FAM83B: variants seen among roughly 807,000 people sequenced by gnomAD.
FAM83B encodes protein FAM83B.
Under a neutral mutation model 38.8 loss-of-function variants are expected in FAM83B, and 26 were observed. That is an observed-to-expected ratio of 0.67 (90% CI 0.49 to 0.93). The LOEUF is 0.93. Among genes scored for constraint, FAM83B ranks in the 40% least tolerant of loss-of-function variants. The pLI is 0.00. For missense variants in FAM83B, 1,237 were observed against 1,197.3 expected (o/e 1.03, Z -0.49); for synonymous variants, 419 against 423.1 (o/e 0.99, Z 0.12).
At chr6:54,852,572 T>C (rs972394829) in intron 1 of FAM83B, among the ~76,000 whole-genome samples, 1 of 152,206 alleles carries the variant, frequency 6.6e-6, no homozygotes, top group African/African-American at 2.4e-5. Context: ...GGCCTTTAAA[T>C]GTTCAAGGGA....
chr6:54,861,050 G>A (rs1771571092), intron 1 of FAM83B, among the ~76,000 whole-genome samples: 1 of 152,156 alleles, frequency 6.6e-6, no homozygotes, highest in Non-Finnish European at 1.5e-5. Context: ...GGGATTATAG[G>A]TGTGAGCCAC....
chr6:54,888,742 T>C (rs962517049), intron 2 of FAM83B, among the ~76,000 whole-genome samples: 1 of 151,938 alleles, frequency 6.6e-6, no homozygotes, highest in African/African-American at 2.4e-5. Context: ...AATTTTTTTT[T>C]TCTCCTTGAC....
intron 2 of FAM83B, among the ~76,000 whole-genome samples, chr6:54,920,718 C>T (rs1465927090): frequency 6.6e-6 from 1 of 151,888 alleles, no homozygotes; most frequent in African/African-American, 2.4e-5. Flanking sequence ...TTCTACCACA[C>T]TTTTTGGTTA....
At chr6:54,850,887 C>T (rs546557525) in intron 1 of FAM83B, among the ~76,000 whole-genome samples, 17 of 151,662 alleles carry the variant, frequency 1.1e-4, no homozygotes, top group Non-Finnish European at 2.1e-4. Flanking sequence ...GGCGTGGTGG[C>T]GGGTGCCTGT....
intron 1 of FAM83B, among the ~76,000 whole-genome samples, chr6:54,849,891 G>C (rs1162619226): frequency 6.6e-6 from 1 of 151,910 alleles, no homozygotes; most frequent in Non-Finnish European, 1.5e-5. Context: ...GTAGTCTCCC[G>C]GTTACTGGCA....
chr6:54,872,599 A>G (rs1771884863), intron 2 of FAM83B, among the ~76,000 whole-genome samples: 1 of 152,216 alleles, frequency 6.6e-6, no homozygotes, highest in African/African-American at 2.4e-5. Context: ...CAAAATGTTA[A>G]TTCAGGAGAT....
chr6:54,924,272 A>G (rs533755931), intron 2 of FAM83B, among the ~76,000 whole-genome samples: 58 of 151,856 alleles, frequency 3.8e-4, no homozygotes, highest in African/African-American at 1.1e-3. Context: ...TTGAGTCTCT[A>G]TCTTAACATC....
intron 1 of FAM83B, 33 bp from the exon 2 acceptor site, chr6:54,870,154 C>T (rs771673694): frequency 6.5e-5 from 63 of 966,026 alleles, no homozygotes; most frequent in Non-Finnish European, 9.4e-5. Context: ...CGAATTTTAA[C>T]TTGATCTTGA....
At chr6:54,900,995 C>G (rs1772648816) in intron 2 of FAM83B, among the ~76,000 whole-genome samples, 1 of 152,144 alleles carries the variant, frequency 6.6e-6, no homozygotes, top group Admixed American at 6.5e-5. Context: ...TTAAAATTGC[C>G]TATTAGAACA....
chr6:54,905,366 T>TA (rs1172136125), intron 2 of FAM83B, among the ~76,000 whole-genome samples: 3 of 152,168 alleles, frequency 2.0e-5, no homozygotes, highest in African/African-American at 7.2e-5. Flanking sequence ...ACCTGAAACT[T>TA]AAAAATTGAC....
Position 54,940,757 on chromosome 6 carries a change from C to T in FAM83B, c.1786C>T (p.Pro596Ser), listed in dbSNP as rs763967595. ...ACAGCATTTGACAGACAAACCCTTG[C>T]CAGAATCAATCCCCAAGCTCCCATT... The part of the protein sequence containing the change: ...NVQHLTDKPL[P>S]ESIPKLPLQS... Residue 596 changes from proline to serine, a missense_variant, in exon 5 of 5, where the codon CCA becomes TCA. Transcript: ENST00000306858. 6.2e-7 allele frequency: 1 copy of T among 1,613,960 alleles called. No individual in the cohort carries two copies. Among genetic ancestry groups the T allele is most frequent in the Non-Finnish European group, 8.5e-7 (1 of 1,179,988 alleles).
chr6:54,891,798 C>A (rs1047457368), intron 2 of FAM83B, among the ~76,000 whole-genome samples: 4 of 152,094 alleles, frequency 2.6e-5, no homozygotes, highest in African/African-American at 9.7e-5. Flanking sequence ...CTTTTGTCAT[C>A]AGGCACTGGG....
In FAM83B at chr6:54,942,130, C is replaced by T; in HGVS notation, c.*123C>T. ...TTATGGGTATGATGTATATGTTCAC[C>T]AGTGTCCTAGTATAAAGTTATTTTT... is the stretch of plus-strand genomic sequence containing the variant. On this transcript the variant is annotated 3_prime_UTR_variant, in exon 5 of 5. Transcript: ENST00000306858. 4.1e-6 allele frequency: 4 copies of T among 969,758 alleles called. No homozygotes were observed. Among genetic ancestry groups the T allele is most frequent in the South Asian group, 3.7e-5 (2 of 54,628 alleles). 60.1% of individuals were successfully genotyped at this position (969,758 alleles called of 1,614,324 possible). A position where few individuals can be genotyped will look rare whatever the true frequency, so the allele number is the denominator to read the frequency against.
chr6:54,899,123 A>T (rs984322740), intron 2 of FAM83B, among the ~76,000 whole-genome samples: 5 of 152,192 alleles, frequency 3.3e-5, no homozygotes, highest in Non-Finnish European at 5.9e-5. Context: ...AATGCCCAGC[A>T]TATTTCTTAA....
intron 2 of FAM83B, among the ~76,000 whole-genome samples, chr6:54,918,730 G>C (rs1156696454): frequency 6.6e-6 from 1 of 152,232 alleles, no homozygotes; most frequent in East Asian, 1.9e-4. Flanking sequence ...TGGAGACACA[G>C]TCAAACCATA....
intron 2 of FAM83B, among the ~76,000 whole-genome samples, chr6:54,898,225 C>T (rs778160948): frequency 5.3e-5 from 8 of 152,072 alleles, no homozygotes; most frequent in Non-Finnish European, 1.2e-4. Flanking sequence ...ATACTGGAAC[C>T]TGCCCATTGC....
At chr6:54,849,667 G>C (rs1771225539) in intron 1 of FAM83B, among the ~76,000 whole-genome samples, 1 of 151,714 alleles carries the variant, frequency 6.6e-6, no homozygotes, top group Non-Finnish European at 1.5e-5. Flanking sequence ...ATCATGAACG[G>C]TAGGAAACTT....
chr6:54,854,372 T>C (rs1440718384), intron 1 of FAM83B, among the ~76,000 whole-genome samples: 1 of 152,226 alleles, frequency 6.6e-6, no homozygotes, highest in African/African-American at 2.4e-5. Flanking sequence ...AAATCGTTTG[T>C]GAAAGGAAGA....
intron 2 of FAM83B, among the ~76,000 whole-genome samples, chr6:54,900,232 A>G (rs1772630119): frequency 6.6e-6 from 1 of 152,176 alleles, no homozygotes; most frequent in South Asian, 2.1e-4. Flanking sequence ...CAAAGAACCA[A>G]TCTATTTTTA....
Sources: gnomAD v4.1 joint callset for allele counts (sites outside exome capture counted in the v4.1 genomes callset) on GRCh38, gnomAD v4.1.1 for gene constraint, MANE v1.5 for transcripts, NCBI Gene and HGNC (gene_info 2026-07-23, HGNC 2026-07-21) for gene names.